The following CNTNAP5 variants were observed in gnomAD, a reference collection of about 807,000 sequenced individuals.
The protein encoded by CNTNAP5 is contactin associated protein family member 5.
CNTNAP5 carries 72 observed loss-of-function variants against 150.2 expected under a neutral mutation model. That is an observed-to-expected ratio of 0.48 (90% CI 0.40 to 0.58). The LOEUF (loss-of-function observed/expected upper bound fraction) is 0.58, where lower values mean the gene tolerates loss of function less well. Ranked by LOEUF, CNTNAP5 falls within the 20% of genes least tolerant of loss-of-function variation. The probability of loss-of-function intolerance (pLI) is 0.00; values close to 1 mark genes in which losing one functional copy is unlikely to be tolerated. For synonymous variants in CNTNAP5, 672 were observed against 619.8 expected, an observed-to-expected ratio of 1.08 and a Z score of -1.25; for missense variants, 1,636 against 1,626.2, an observed-to-expected ratio of 1.01 and a Z score of -0.10.
At chr2:124,433,640 A>T (rs1246374411) in intron 4 of CNTNAP5, among the ~76,000 whole-genome samples, 1 of 152,170 alleles carries the variant, frequency 6.6e-6, no homozygotes. Flanking sequence ...GTAATTAAAC[A>T]GTCTTACATG....
chr2:124,167,225 G>A (rs959774219), intron 1 of CNTNAP5, among the ~76,000 whole-genome samples: 3 of 152,056 alleles, frequency 2.0e-5, no homozygotes, highest in Non-Finnish European at 4.4e-5. Flanking sequence ...TCATGTTTGG[G>A]AAAACCACAC....
At chr2:124,568,365 A>T (rs575538521) in intron 11 of CNTNAP5, among the ~76,000 whole-genome samples, 1 of 152,222 alleles carries the variant, frequency 6.6e-6, no homozygotes, top group Non-Finnish European at 1.5e-5. Context: ...GGGCTAAGAC[A>T]TGATAGTAGA....
intron 12 of CNTNAP5, among the ~76,000 whole-genome samples, chr2:124,625,469 T>TATAGTATACATAGC (rs1285371201): frequency 0.012 from 1,769 of 152,172 alleles, 25 homozygotes; most frequent in African/African-American, 0.04. Flanking sequence ...GTATACATAG[T>TATAGTATACATAGC]ATAGTAGTGA....
intron 11 of CNTNAP5, among the ~76,000 whole-genome samples, chr2:124,594,549 A>G (rs1696776809): frequency 6.9e-6 from 1 of 145,610 alleles, no homozygotes. Context: ...GCCTTGTAGT[A>G]TAGTTTGAAG....
chr2:124,118,522 C>T (rs1558762531), intron 1 of CNTNAP5, among the ~76,000 whole-genome samples: 1 of 152,212 alleles, frequency 6.6e-6, no homozygotes, highest in African/African-American at 2.4e-5. Context: ...TGTACACCAT[C>T]ATGACCCAAT....
At chr2:124,153,029 C>T (rs1272450929) in intron 1 of CNTNAP5, among the ~76,000 whole-genome samples, 1 of 152,098 alleles carries the variant, frequency 6.6e-6, no homozygotes, top group Admixed American at 6.5e-5. Flanking sequence ...AGTGATTAAC[C>T]AACCTAAAAC....
intron 6 of CNTNAP5, among the ~76,000 whole-genome samples, chr2:124,467,975 T>A (rs904064033): frequency 6.6e-6 from 1 of 152,152 alleles, no homozygotes; most frequent in African/African-American, 2.4e-5. Context: ...GTTCTCTCTG[T>A]ACTTTTTTCC....
chr2:124,295,393 A>G (rs1205847250), intron 3 of CNTNAP5, among the ~76,000 whole-genome samples: 2 of 152,206 alleles, frequency 1.3e-5, no homozygotes, highest in Non-Finnish European at 2.9e-5. Context: ...GAATATATAG[A>G]GAAGACTTTC....
chr2:124,260,496 C>T (rs1312662321), intron 3 of CNTNAP5, among the ~76,000 whole-genome samples: 3 of 152,142 alleles, frequency 2.0e-5, no homozygotes, highest in Admixed American at 6.5e-5. Flanking sequence ...GCAATGGCAA[C>T]AAAAGCCAAA....
rs1694993823 is a variant in CNTNAP5 at position 124,527,309 on chromosome 2, C to T, written c.1502C>T (p.Ser501Phe). ...GGGTGCCCCGACAATCTCACCGATT[C>T]CCAATGTTTAAATCCCATTAAGGCT... ...FGGCPDNLTDSQCLNPIKAFQ... is the reference protein window; with the variant it reads ...FGGCPDNLTDFQCLNPIKAFQ... Residue 501 changes from serine (S) to phenylalanine (F), a missense_variant, in exon 10 of 24, where the codon TCC becomes TTC. Coordinates refer to ENST00000682447, the MANE Select transcript of CNTNAP5 (RefSeq NM_001367498.1). The T allele has an allele frequency of 6.2e-7, 1 of 1,613,544 alleles. No individual in the cohort carries two copies. Among genetic ancestry groups the T allele is most frequent in the Non-Finnish European group, 8.5e-7 (1 of 1,179,658 alleles).
chr2:124,091,075 G>T (rs938020349), intron 1 of CNTNAP5, among the ~76,000 whole-genome samples: 1 of 152,178 alleles, frequency 6.6e-6, no homozygotes, highest in African/African-American at 2.4e-5. Context: ...AAGCGAAAAT[G>T]CAGGGCCTGG....
At chr2:124,590,301 C>T (rs1426307485) in intron 11 of CNTNAP5, among the ~76,000 whole-genome samples, 3 of 152,186 alleles carry the variant, frequency 2.0e-5, no homozygotes, top group African/African-American at 7.2e-5. Context: ...TAACCTGTAG[C>T]AACCACTAAT....
At chr2:124,162,312 T>A (rs190226284) in intron 1 of CNTNAP5, among the ~76,000 whole-genome samples, 1 of 152,322 alleles carries the variant, frequency 6.6e-6, no homozygotes, top group African/African-American at 2.4e-5. Flanking sequence ...TTGTATTGAT[T>A]ATTTATAGGT....
chr2:124,334,809 G>A (rs1186034622), intron 3 of CNTNAP5, among the ~76,000 whole-genome samples: 1 of 152,010 alleles, frequency 6.6e-6, no homozygotes, highest in African/African-American at 2.4e-5. Flanking sequence ...TGCATAATAT[G>A]AGAGTTGTCT....
chr2:124,042,680 G>A (rs1477355779), intron 1 of CNTNAP5, among the ~76,000 whole-genome samples: 1 of 152,178 alleles, frequency 6.6e-6, no homozygotes, highest in Non-Finnish European at 1.5e-5. Context: ...TTGGCAGGGT[G>A]CATGTGCTAT....
At chr2:124,308,166 A>C (rs1355437680) in intron 3 of CNTNAP5, among the ~76,000 whole-genome samples, 26 of 152,202 alleles carry the variant, frequency 1.7e-4, no homozygotes. Context: ...CTTTATGGAA[A>C]GTTACTTTTC....
chr2:124,035,945 T>A (rs1234112786), intron 1 of CNTNAP5, among the ~76,000 whole-genome samples: 1 of 106,924 alleles, frequency 9.4e-6, no homozygotes, highest in African/African-American at 3.7e-5. Context: ...TGAGACGGAG[T>A]CTCGCTCTGT....
chr2:124,398,149 A>G (rs1381618032), intron 3 of CNTNAP5, among the ~76,000 whole-genome samples: 1 of 152,216 alleles, frequency 6.6e-6, no homozygotes, highest in Non-Finnish European at 1.5e-5. Context: ...TGCAGGTGCC[A>G]GGGATGCAAA....
At chr2:124,722,247 G>A (rs1311303442) in intron 13 of CNTNAP5, among the ~76,000 whole-genome samples, 5 of 152,060 alleles carry the variant, frequency 3.3e-5, no homozygotes, top group African/African-American at 9.6e-5. Context: ...CAGCTCAAAA[G>A]TCTTAACCCA....
Sources: allele counts gnomAD v4.1 joint callset (sites outside exome capture counted in the v4.1 genomes callset), GRCh38; gene constraint gnomAD v4.1.1; transcripts MANE v1.5; gene names NCBI Gene and HGNC (gene_info 2026-07-23, HGNC 2026-07-21).